RNF180: variants seen among roughly 807,000 people sequenced by gnomAD.
The protein encoded by RNF180 is ring finger protein 180, also known as E3 ubiquitin-protein ligase RNF180.
RNF180 carries 38 observed loss-of-function variants against 59.2 expected under a neutral mutation model. The observed-to-expected ratio is 0.64, with a 90% CI of 0.50 to 0.84. The LOEUF is 0.84. RNF180 is among the 40% of genes least tolerant of loss of function. RNF180 has a pLI of 0.00. For synonymous variants in RNF180, 262 were observed against 240.3 expected, an observed-to-expected ratio of 1.09 and a Z score of -0.84; for missense variants, 705 against 700.9, an observed-to-expected ratio of 1.01 and a Z score of -0.07.
chr5:64,167,754 A>G (rs568186303), intron 1 of RNF180, among the ~76,000 whole-genome samples: 5 of 152,268 alleles, frequency 3.3e-5, no homozygotes, highest in African/African-American at 1.2e-4. Flanking sequence ...TGCTAACTAC[A>G]TAGTACAAGG....
intron 5 of RNF180, among the ~76,000 whole-genome samples, chr5:64,220,181 A>G (rs543134553): frequency 3.9e-5 from 6 of 152,046 alleles, no homozygotes; most frequent in African/African-American, 1.4e-4. Context: ...TTAGGTTTCA[A>G]TTGTTTTTAT....
At chr5:64,197,013 T>G (rs2112034728) in intron 1 of RNF180, among the ~76,000 whole-genome samples, 1 of 152,264 alleles carries the variant, frequency 6.6e-6, no homozygotes, top group South Asian at 2.1e-4. Context: ...CATCTCAAGT[T>G]TCAATTTATG....
At chr5:64,344,071 T>C (rs1165976858) in intron 7 of RNF180, among the ~76,000 whole-genome samples, 1 of 151,816 alleles carries the variant, frequency 6.6e-6, no homozygotes, top group African/African-American at 2.4e-5. Context: ...GCCAAACTGC[T>C]GAAACCCAAA....
At chr5:64,278,237 T>C (rs901580816) in intron 5 of RNF180, among the ~76,000 whole-genome samples, 1 of 152,140 alleles carries the variant, frequency 6.6e-6, no homozygotes, top group African/African-American at 2.4e-5. Context: ...AATGATCTCA[T>C]CCACCGGTTA....
intron 5 of RNF180, among the ~76,000 whole-genome samples, chr5:64,269,241 C>T (rs920860177): frequency 3.9e-5 from 6 of 152,114 alleles, no homozygotes; most frequent in Non-Finnish European, 5.9e-5. Flanking sequence ...TATCACACCT[C>T]TCTTATTTTG....
In RNF180 at chr5:64,252,412, T is replaced by G. The variant is rs553816501; in HGVS notation, c.1227+35016T>G. 1.1e-3 allele frequency among the ~76,000 whole-genome samples: 172 copies of G among 152,276 alleles called. 3 individuals carry two copies. Among genetic ancestry groups the G allele is most frequent in the African/African-American group, 4.0e-3 (166 of 41,558 alleles). On this transcript the variant is annotated intron_variant, in intron 5 of 7. Coordinates refer to ENST00000389100, the MANE Select transcript of RNF180 (RefSeq NM_001113561.2). Reference sequence around the variant, plus strand: ...GTTAATAAATTGTATTTTTGAAAAATGTCAGGAGAGTGGACGTAAAGTGTT... The same window carrying G: ...GTTAATAAATTGTATTTTTGAAAAAGGTCAGGAGAGTGGACGTAAAGTGTT...
chr5:64,281,060 G>A (rs1344432369), intron 5 of RNF180, among the ~76,000 whole-genome samples: 1 of 152,134 alleles, frequency 6.6e-6, no homozygotes, highest in Non-Finnish European at 1.5e-5. Context: ...TTTTGTGTGT[G>A]TGGTTATTGT....
chr5:64,183,022 G>T (rs1434264188), intron 1 of RNF180, among the ~76,000 whole-genome samples: 1 of 152,144 alleles, frequency 6.6e-6, no homozygotes, highest in Non-Finnish European at 1.5e-5. Context: ...CCAGCAGGTT[G>T]GGGAGGACAA....
Position 64,213,844 on chromosome 5 carries a change from A to C in RNF180, c.518A>C (p.Asn173Thr). The C allele has an allele frequency of 6.2e-7, 1 of 1,614,128 alleles. No individual in the cohort carries two copies. The highest frequency in any genetic ancestry group is 8.5e-7 in the Non-Finnish European group (1 of 1,180,010). The change falls in exon 4 of 8, where the codon AAT becomes ACT. Residue 173 changes from asparagine (N) to threonine (T), a missense_variant. Transcript: ENST00000389100. ...CTTTTAAACATGGCCCGAAATAATA[A>C]TGACCCTGGAAGATTAACAGAAGCA... ...HRLLNMARNN[N>T]DPGRLTEALC...
intron 1 of RNF180, among the ~76,000 whole-genome samples, chr5:64,197,871 A>G (rs1306254820): frequency 6.6e-6 from 1 of 152,210 alleles, no homozygotes; most frequent in African/African-American, 2.4e-5. Flanking sequence ...CATCCTAGAA[A>G]CATTGAATTA....
chr5:64,255,800 G>A (rs1311301218), intron 5 of RNF180, among the ~76,000 whole-genome samples: 1 of 152,174 alleles, frequency 6.6e-6, no homozygotes, highest in Admixed American at 6.5e-5. Context: ...GGTTGAACTA[G>A]TTTACATTCC....
chr5:64,269,967 C>T (rs1298469575), intron 5 of RNF180, among the ~76,000 whole-genome samples: 5 of 151,958 alleles, frequency 3.3e-5, no homozygotes, highest in Admixed American at 2.0e-4. Context: ...CCCAGGTCTC[C>T]ATAATGCCAT....
intron 6 of RNF180, among the ~76,000 whole-genome samples, chr5:64,329,641 A>G (rs1002268707): frequency 6.6e-6 from 1 of 151,830 alleles, no homozygotes; most frequent in African/African-American, 2.4e-5. Flanking sequence ...TATTTTTAGT[A>G]GAGATGGGGT....
Position 64,359,482 on chromosome 5 carries a change from GT to G in RNF180, c.1580-10130del, listed in dbSNP as rs1394558436. 6.6e-5 allele frequency among the ~76,000 whole-genome samples: 10 copies of G among 151,124 alleles called. No individual in the cohort carries two copies. In the East Asian group the frequency reaches 1.9e-3, roughly 29 times the overall value. On this transcript the variant is annotated intron_variant, in intron 7 of 7. Transcript: ENST00000389100. ...CCTTCGCCCACTTTTTGATGGGGTT[GT>G]TTGTTTTTTTCTTGTAAATTTGTTT... is the stretch of plus-strand genomic sequence containing the variant.
chr5:64,358,820 T>C (rs905602748), intron 7 of RNF180, among the ~76,000 whole-genome samples: 5 of 131,264 alleles, frequency 3.8e-5, no homozygotes, highest in African/African-American at 8.7e-5. Context: ...GAGTGTGATA[T>C]TCCCCTTCCT....
chr5:64,312,708 A>AC lies in RNF180; in HGVS notation c.1228-12477dup, dbSNP rs766691149. On this transcript the variant is annotated intron_variant, in intron 5 of 7. Transcript: ENST00000389100. ...TGTGCTGGAAAACACCCACACAGGA[A>AC]CAGGAGTAGGTGGTACCAAAATCAC... is the stretch of plus-strand genomic sequence containing the variant. Among the ~76,000 whole-genome samples, 86 of 152,224 alleles carry AC rather than the reference A, an allele frequency of 5.6e-4. 1 individual carries two copies. The highest frequency in any genetic ancestry group is 6.8e-3 in the Middle Eastern group (2 of 292).
intron 5 of RNF180, among the ~76,000 whole-genome samples, chr5:64,275,604 A>G (rs996703417): frequency 9.2e-5 from 14 of 151,938 alleles, no homozygotes; most frequent in Admixed American, 5.9e-4. Context: ...ATTAATTTCT[A>G]TATTAAGCCC....
At chr5:64,190,729 G>A (rs1751102100) in intron 1 of RNF180, among the ~76,000 whole-genome samples, 1 of 152,188 alleles carries the variant, frequency 6.6e-6, no homozygotes, top group South Asian at 2.1e-4. Flanking sequence ...AAGAGGAGGA[G>A]ACACCAGAAG....
At chr5:64,199,379 C>T (rs1406116133) in intron 1 of RNF180, among the ~76,000 whole-genome samples, 1 of 152,156 alleles carries the variant, frequency 6.6e-6, no homozygotes, top group East Asian at 1.9e-4. Context: ...TCCGTGTTCA[C>T]CCTGACCATA....
Sources: gnomAD v4.1 joint callset for allele counts (sites outside exome capture counted in the v4.1 genomes callset) on GRCh38, gnomAD v4.1.1 for gene constraint, MANE v1.5 for transcripts, NCBI Gene and HGNC (gene_info 2026-07-23, HGNC 2026-07-21) for gene names.